The following DPF1 variants were observed in gnomAD, a reference collection of about 807,000 sequenced individuals.
The protein encoded by DPF1 is double PHD fingers 1, also known as zinc finger protein neuro-d4.
DPF1 carries 14 observed loss-of-function variants against 58.7 expected under a neutral mutation model. The ratio of observed to expected loss-of-function variants is 0.24; its 90% CI spans 0.16 to 0.37. The LOEUF (loss-of-function observed/expected upper bound fraction) is 0.37, where lower values mean the gene tolerates loss of function less well. Ranked by LOEUF, DPF1 falls within the 10% of genes least tolerant of loss-of-function variation. The probability of loss-of-function intolerance (pLI) is 1.00; values close to 1 mark genes in which losing one functional copy is unlikely to be tolerated. For missense variants in DPF1, 345 were observed against 529.9 expected, an observed-to-expected ratio of 0.65 and a Z score of 3.43; for synonymous variants, 216 against 216.0, an observed-to-expected ratio of 1.00 and a Z score of 0.00.
chr19:38,220,875 T>G (rs8105676), intron 3 of DPF1, among the ~76,000 whole-genome samples: 1 of 152,040 alleles, frequency 6.6e-6, no homozygotes, highest in South Asian at 2.1e-4. Flanking sequence ...GAAGAGAAAC[T>G]GACCCCGAGG....
intron 10 of DPF1, among the ~76,000 whole-genome samples, chr19:38,212,600 C>CTTA (rs907432671): frequency 1.3e-5 from 2 of 151,536 alleles, no homozygotes; most frequent in African/African-American, 2.4e-5. Context: ...CTGTGGAAGG[C>CTTA]TTATTATTAT....
intron 7 of DPF1, among the ~76,000 whole-genome samples, chr19:38,217,105 G>A (rs566443386): frequency 2.6e-4 from 39 of 152,238 alleles, no homozygotes; most frequent in African/African-American, 7.9e-4. Flanking sequence ...GATTGGCAAG[G>A]GCGGAAGCCA....
At chr19:38,221,076 G>T (rs573103292) in intron 3 of DPF1, among the ~76,000 whole-genome samples, 5 of 152,034 alleles carry the variant, frequency 3.3e-5, no homozygotes, top group Non-Finnish European at 7.4e-5. Context: ...GGGAGGAGCC[G>T]GACACCCTGA....
rs746427575 is a variant in DPF1, at chr19:38,222,387, G to A, written c.268C>T (p.Pro90Ser). The A allele has an allele frequency of 6.3e-7, 1 of 1,589,496 alleles. No individual in the cohort carries two copies. Among genetic ancestry groups the A allele is most frequent in the Non-Finnish European group, 8.5e-7 (1 of 1,173,586 alleles). Residue 90 changes from proline (P) to serine (S), a missense_variant, in exon 3 of 12, where the codon CCC (proline) becomes TCC (serine). Coordinates refer to ENST00000355526, the MANE Select transcript of DPF1 (RefSeq NM_001135155.3). This position sits in a 1 kb window ranked among gnomAD's most constrained non-coding sequence, Gnocchi z 4.9. ...KKRRLNILED[P>S]RLRPCEYKID... ...TTGTACTCGCAGGGCCTGAGTCTGG[G>A]GTCCTCCAGGATGTTGAGTCTCCGT...
chr19:38,224,872 A>G (rs1482373529), upstream of DPF1, among the ~76,000 whole-genome samples: 2 of 152,230 alleles, frequency 1.3e-5, no homozygotes, highest in African/African-American at 2.4e-5. The surrounding 1 kb of genome is among the most constrained non-coding windows in gnomAD (Gnocchi z 4.5). Flanking sequence ...TCTGGGCCTC[A>G]GTTTCCTCAT....
rs778330395 is a variant in DPF1, at chr19:38,212,105, C to CCGGAGA, written c.1116_1121dup (p.Leu373_Arg374dup). On this transcript the variant is annotated inframe_insertion, in exon 12 of 12. Transcript: ENST00000355526. The stretch of plus-strand genomic sequence containing the variant: ...AAGCAGAAGCCTTTTCCTTCAGGTG[C>CCGGAGA]CGGAGACAGAGGTGACAGCTCCAGC... 1 of 1,612,186 alleles carries CCGGAGA rather than the reference C, an allele frequency of 6.2e-7. No homozygotes were observed. The highest frequency in any genetic ancestry group is 2.2e-5 in the East Asian group (1 of 44,814).
In DPF1 at chr19:38,216,147, C is replaced by G; in HGVS notation, c.891G>C (p.Gly297=). 6.2e-7 allele frequency: 1 copy of G among 1,613,188 alleles called. No individual in the cohort carries two copies. Residue 297 remains glycine (G), a synonymous_variant, in exon 9 of 12, where the codon GGG becomes GGC. Coordinates refer to ENST00000355526, the MANE Select transcript of DPF1 (RefSeq NM_001135155.3). ...PEDLISCADC[G]RSGHPSCLQF... is the part of the protein sequence containing the mutation. ...TCAGGTGGGGAGCATCACCTGATCGCCCACAGTCCGCACAGGAGATGAGGT... is the reference window on the plus strand; with the variant it reads ...TCAGGTGGGGAGCATCACCTGATCGGCCACAGTCCGCACAGGAGATGAGGT...
chr19:38,225,894 A>T (rs1967798491), upstream of DPF1, among the ~76,000 whole-genome samples: 1 of 151,766 alleles, frequency 6.6e-6, no homozygotes, highest in Admixed American at 6.6e-5. Flanking sequence ...GTCTCCAAAA[A>T]AAAAAAAAAA....
rs1334540400 is a variant in DPF1, at chr19:38,216,628, A to T, written c.728-225T>A. On this transcript the variant is annotated intron_variant, in intron 7 of 11. Coordinates refer to ENST00000355526, the MANE Select transcript of DPF1 (RefSeq NM_001135155.3). ...TTAAAAATAAAGGCAGGGTCTTGGT[A>T]TGTTGCCCAGGCTGGTCTCCAACTC... 1.1e-5 allele frequency: 5 copies of T among 455,154 alleles called. No homozygotes were observed. The South Asian group carries it at 2.7e-4, about 25-fold the overall frequency. 28.2% of individuals were successfully genotyped at this position (455,154 alleles called of 1,614,324 possible).
At chr19:38,212,467 GC>G in intron 10 of DPF1, 106 bp from the exon 11 acceptor site, 1 of 582,544 alleles carries the variant, frequency 1.7e-6, no homozygotes, top group Non-Finnish European at 3.1e-6. Context: ...GGGAGGTGAG[GC>G]CTTCCGAGAA....
rs1024117827 is a variant in DPF1, at chr19:38,229,643, G to C, written c.-216C>G. 5.3e-6 allele frequency: 5 copies of C among 946,044 alleles called. No homozygotes were observed. Among genetic ancestry groups the C allele is most frequent in the Non-Finnish European group, 6.3e-6 (5 of 791,674 alleles). The allele number at this position is 946,044 out of a possible 1,614,324, so 58.6% of individuals were successfully genotyped here. On this transcript the variant is annotated 5_prime_UTR_variant, in exon 1 of 12. Coordinates refer to the DPF1 transcript ENST00000412732. This position sits in a 1 kb window ranked among gnomAD's most constrained non-coding sequence, Gnocchi z 5.3. ...CCGGGGCGCCGCTGCCGCCGCGCGC[G>C]GGCCCAGCCCGGCCTGCGCCGCCCG... is the stretch of plus-strand genomic sequence containing the variant.
chr19:38,225,294 C>T (rs570297501), upstream of DPF1, among the ~76,000 whole-genome samples: 31 of 151,724 alleles, frequency 2.0e-4, no homozygotes, highest in African/African-American at 7.3e-4. Flanking sequence ...CGGCCAGGTG[C>T]GATGGCTCCA....
chr19:38,222,287 G>C lies in DPF1; in HGVS notation c.298+70C>G. On this transcript the variant is annotated intron_variant, in intron 3 of 11. Transcript: ENST00000355526. The surrounding 1 kb of genome is among the most constrained non-coding windows in gnomAD (Gnocchi z 4.9). ...AGACACTTGCTAGAAGGCGATAAAGGTGATGGACGAGTGCTAGGACACACA... is the reference window on the plus strand; with the variant it reads ...AGACACTTGCTAGAAGGCGATAAAGCTGATGGACGAGTGCTAGGACACACA... 7.6e-7 allele frequency: 1 copy of C among 1,324,158 alleles called. No individual in the cohort carries two copies. Among genetic ancestry groups the C allele is most frequent in the Non-Finnish European group, 1.0e-6 (1 of 955,388 alleles). The allele number at this position is 1,324,158 out of a possible 1,614,324, so 82.0% of individuals were successfully genotyped here. A position where few individuals can be genotyped will look rare whatever the true frequency, so the allele number is the denominator to read the frequency against.
At position 38,222,712 on chromosome 19, in the gene DPF1, G is replaced by C. The variant is rs755371099; in HGVS notation, c.30-4C>G. ...GCGGTAGAAGTCCTCGCCTAGGCTA[G>C]AGGGGCGGCGAACGGGCGGGCGGCT... On this transcript the variant is annotated splice_region_variant and splice_polypyrimidine_tract_variant and intron_variant, in intron 1 of 11. Transcript: ENST00000355526. This position sits in a 1 kb window ranked among gnomAD's most constrained non-coding sequence, Gnocchi z 4.9. 26 of 1,582,942 alleles carry C rather than the reference G, an allele frequency of 1.6e-5. No homozygotes were observed. The East Asian group carries it at 6.1e-4, about 37-fold the overall frequency.
intron 7 of DPF1, 34 bp downstream of exon 7, chr19:38,217,426 C>T (rs932478281): frequency 1.5e-6 from 2 of 1,353,436 alleles, no homozygotes; most frequent in Non-Finnish European, 2.0e-6. Flanking sequence ...ACTCCCAGGG[C>T]CCCTGGCCAC....
chr19:38,217,396 CAGCTG>C, intron 7 of DPF1, 59 bp downstream of exon 7: 1 of 1,225,738 alleles, frequency 8.2e-7, no homozygotes, highest in Non-Finnish European at 1.1e-6. Context: ...CCCCCACCCC[CAGCTG>C]GGCTCCTCTT....
At chr19:38,225,061 GC>G (rs532274470), upstream of DPF1, among the ~76,000 whole-genome samples, 114 of 152,242 alleles carry the variant, frequency 7.5e-4, 1 homozygote, top group African/African-American at 2.3e-3. Flanking sequence ...GACCAGCCTG[GC>G]CAACATGGTA....
upstream of DPF1, among the ~76,000 whole-genome samples, chr19:38,227,559 G>A (rs370438631): frequency 6.6e-6 from 1 of 152,276 alleles, no homozygotes; most frequent in East Asian, 1.9e-4. Flanking sequence ...CTGTGTGGGA[G>A]CTGGCCCACA....
Position 38,216,217 on chromosome 19 carries a change from C to A in DPF1, c.821G>T (p.Cys274Phe). 6.2e-7 allele frequency: 1 copy of A among 1,614,168 alleles called. No individual in the cohort carries two copies. Among genetic ancestry groups the A allele is most frequent in the African/African-American group, 1.3e-5 (1 of 75,056 alleles). ...PDGTVIPNGY[C>F]DFCLGGSKKT... is the part of the protein sequence containing the mutation. ...CTTGGAGCCCCCCAGGCAGAAGTCA[C>A]AGTAGCCGTTGGGGATGACAGTGCC... is the stretch of plus-strand genomic sequence containing the variant. The change falls in exon 9 of 12, where the codon TGT (cysteine) becomes TTT (phenylalanine). Residue 274 changes from cysteine (C) to phenylalanine (F), a missense_variant. Physicochemically the swap from Cys to Phe is radical, Grantham distance 205. Transcript: ENST00000355526.
Sources: gnomAD v4.1 joint callset for allele counts (sites outside exome capture counted in the v4.1 genomes callset) on GRCh38, gnomAD v4.1.1 for gene constraint, Gnocchi (gnomAD v3.1) non-coding constraint, MANE v1.5 for transcripts, NCBI Gene and HGNC (gene_info 2026-07-23, HGNC 2026-07-21) for gene names.